Variants in ONECUT2 observed in about 807,000 individuals in gnomAD.
ONECUT2 encodes the protein one cut domain family member 2.
In ONECUT2, 10 loss-of-function variants were observed where a neutral mutation model predicts 27.9. The observed-to-expected ratio is 0.36, with a 90% confidence interval of 0.22 to 0.61. The LOEUF (loss-of-function observed/expected upper bound fraction) is 0.61. Ranked by LOEUF, ONECUT2 falls within the 20% of genes least tolerant of loss-of-function variation. The probability of loss-of-function intolerance (pLI) is 0.73; values close to 1 mark genes in which losing one functional copy is unlikely to be tolerated. For missense variants in ONECUT2, 686 were observed against 721.0 expected (o/e 0.95, Z 0.56); for synonymous variants, 334 against 315.1 (o/e 1.06, Z -0.64).
chr18:57,436,226 T>G lies in ONECUT2; in HGVS notation c.510T>G (p.Pro170=), dbSNP rs1350697399. 1.2e-6 allele frequency: 2 copies of G among 1,603,480 alleles called. No individual in the cohort carries two copies. Among genetic ancestry groups the G allele is most frequent in the Non-Finnish European group, 8.5e-7 (1 of 1,177,312 alleles). ...ISTVSDKFHH[P]HPHHHPHHHH... ...CCGTGTCTGACAAGTTCCACCACCC[T>G]CACCCGCACCACCATCCGCACCACC... is the stretch of plus-strand genomic sequence containing the variant. Residue 170 remains proline, a synonymous_variant, in exon 1 of 2, where the codon CCT becomes CCG. Coordinates refer to ENST00000491143, the MANE Select transcript of ONECUT2 (RefSeq NM_004852.3). The surrounding 1 kb of genome is among the most constrained non-coding windows in gnomAD (Gnocchi z 5.9).
Position 57,486,381 on chromosome 18 carries a change from A to T in ONECUT2, c.*9658A>T, listed in dbSNP as rs1233385446. ...AGAACAAGATTTGTACTAATACCAA[A>T]GGTTCTTTCTCTATGTCTCCTCCTC... On this transcript the variant is annotated 3_prime_UTR_variant, in exon 2 of 2. Coordinates refer to ENST00000491143, the MANE Select transcript of ONECUT2 (RefSeq NM_004852.3). 2.6e-5 allele frequency: 4 copies of T among 152,562 alleles called. No homozygotes were observed. The highest frequency in any genetic ancestry group is 9.7e-5 in the African/African-American group (4 of 41,420). The allele number at this position is 152,562 out of a possible 1,614,324, so 9.5% of individuals were successfully genotyped here. A position where few individuals can be genotyped will look rare whatever the true frequency, so the allele number is the denominator to read the frequency against.
chr18:57,436,468 C>T lies in ONECUT2; in HGVS notation c.752C>T (p.Pro251Leu), dbSNP rs1008250842. 2 of 1,613,162 alleles carry T rather than the reference C, an allele frequency of 1.2e-6. No homozygotes were observed. The highest frequency in any genetic ancestry group is 1.7e-5 in the Admixed American group (1 of 60,004). ...CAGCAGAGTCTGCCCAACTACGGTC[C>T]GCCGGGCCACGACAAAATGCTCAGC... ...NAQQSLPNYGPPGHDKMLSPN... is the reference protein window; with the variant it reads ...NAQQSLPNYGLPGHDKMLSPN... The change falls in exon 1 of 2, where the codon CCG becomes CTG. Residue 251 changes from proline (P) to leucine (L), a missense_variant. Around this residue, in one of 4 missense-constraint regions of ONECUT2, gnomAD observed 511 missense variants for 488.1 expected, o/e 1.05. Coordinates refer to ENST00000491143, the MANE Select transcript of ONECUT2 (RefSeq NM_004852.3). This position sits in a 1 kb window ranked among gnomAD's most constrained non-coding sequence, Gnocchi z 5.9.
At chr18:57,451,106 C>T (rs2050227693) in intron 1 of ONECUT2, among the ~76,000 whole-genome samples, 1 of 152,204 alleles carries the variant, frequency 6.6e-6, no homozygotes, top group South Asian at 2.1e-4. Context: ...CATTTATTTG[C>T]TATACATCTT....
chr18:57,462,335 A>G (rs2050296584), intron 1 of ONECUT2, among the ~76,000 whole-genome samples: 1 of 152,210 alleles, frequency 6.6e-6, no homozygotes, highest in Non-Finnish European at 1.5e-5. Flanking sequence ...TGTGTTTAAG[A>G]TATCTGTGGC....
chr18:57,447,466 G>C (rs1239677890), intron 1 of ONECUT2, among the ~76,000 whole-genome samples: 2 of 152,252 alleles, frequency 1.3e-5, no homozygotes, highest in Non-Finnish European at 2.9e-5. Flanking sequence ...TGTGAGATCA[G>C]CGATAATAAA....
chr18:57,438,679 T>C (rs4940717), intron 1 of ONECUT2, among the ~76,000 whole-genome samples: 48,731 of 152,074 alleles, frequency 0.32, 9,583 homozygotes, highest in South Asian at 0.55. Context: ...TAAAGAAAAC[T>C]AGGTTTCCCT....
At chr18:57,442,363 A>T (rs1198023977) in intron 1 of ONECUT2, among the ~76,000 whole-genome samples, 4 of 151,680 alleles carry the variant, frequency 2.6e-5, no homozygotes, top group African/African-American at 9.7e-5. Context: ...CAAGAACAGT[A>T]ATTAATAAGA....
chr18:57,490,611 C>G lies in ONECUT2; in HGVS notation c.*13888C>G, dbSNP rs539079840. The G allele has an allele frequency of 6.6e-6, 1 of 152,260 alleles. No individual in the cohort carries two copies. The highest frequency in any genetic ancestry group is 1.9e-4 in the East Asian group (1 of 5,178). 9.4% of individuals were successfully genotyped at this position (152,260 alleles called of 1,614,324 possible). A position where few individuals can be genotyped will look rare whatever the true frequency, so the allele number is the denominator to read the frequency against. ...CATATGCTCAAAGACCGTACTCTGC[C>G]ACCTGCCTTCCAGGTAGCTATTCTA... On this transcript the variant is annotated 3_prime_UTR_variant, in exon 2 of 2. Coordinates refer to ENST00000491143, the MANE Select transcript of ONECUT2 (RefSeq NM_004852.3).
intron 1 of ONECUT2, among the ~76,000 whole-genome samples, chr18:57,453,683 G>A (rs1437801599): frequency 2.0e-5 from 3 of 152,274 alleles, no homozygotes; most frequent in Non-Finnish European, 4.4e-5. Flanking sequence ...ATTAGCCGGA[G>A]TCATAGGACT....
At chr18:57,441,119 C>A (rs2050171906) in intron 1 of ONECUT2, among the ~76,000 whole-genome samples, 1 of 152,190 alleles carries the variant, frequency 6.6e-6, no homozygotes, top group Admixed American at 6.5e-5. Context: ...GCCCTCGATG[C>A]GAGAGGCTGG....
chr18:57,491,084 A>G lies in ONECUT2; in HGVS notation c.*14361A>G, dbSNP rs2050463561. The G allele has an allele frequency of 6.6e-6, 1 of 152,640 alleles. No individual in the cohort carries two copies. The highest frequency in any genetic ancestry group is 2.4e-5 in the African/African-American group (1 of 41,448). The allele number at this position is 152,640 out of a possible 1,614,324, so 9.5% of individuals were successfully genotyped here. On this transcript the variant is annotated 3_prime_UTR_variant, in exon 2 of 2. Transcript: ENST00000491143. ...CTGGTGGGGATGAGGATCACGCTTC[A>G]TCATCAAGGGGATGCCCATCCCCTG...
rs1026286211 is a variant in ONECUT2, at chr18:57,486,409, C to A, written c.*9686C>A. On this transcript the variant is annotated 3_prime_UTR_variant, in exon 2 of 2. Coordinates refer to ENST00000491143, the MANE Select transcript of ONECUT2 (RefSeq NM_004852.3). Reference sequence around the variant, plus strand: ...TTCTTTCTCTATGTCTCCTCCTCTGCCTCCCTCGTTCTTCCCTTTTTTCTA... The same window carrying A: ...TTCTTTCTCTATGTCTCCTCCTCTGACTCCCTCGTTCTTCCCTTTTTTCTA... 6.6e-6 allele frequency: 1 copy of A among 152,610 alleles called. No homozygotes were observed. The highest frequency in any genetic ancestry group is 2.4e-5 in the African/African-American group (1 of 41,418). The allele number at this position is 152,610 out of a possible 1,614,324, so 9.5% of individuals were successfully genotyped here.
chr18:57,442,594 G>A (rs1172104875), intron 1 of ONECUT2, among the ~76,000 whole-genome samples: 2 of 152,154 alleles, frequency 1.3e-5, no homozygotes, highest in East Asian at 3.9e-4. Flanking sequence ...AAGGAGGAGA[G>A]CAGGTGGTTT....
rs1446398091 is a variant in ONECUT2 at position 57,481,811 on chromosome 18, A to C, written c.*5088A>C. 1 of 152,204 alleles carries C rather than the reference A, an allele frequency of 6.6e-6. No homozygotes were observed. Among genetic ancestry groups the C allele is most frequent in the Non-Finnish European group, 1.5e-5 (1 of 68,036 alleles). 9.4% of individuals were successfully genotyped at this position (152,204 alleles called of 1,614,324 possible). A position where few individuals can be genotyped will look rare whatever the true frequency, so the allele number is the denominator to read the frequency against. ...TAAAAAGTGGAGAAAAAGATAATACATGTGGTCAAGGTTGACCACAAGGCC... is the reference window on the plus strand; with the variant it reads ...TAAAAAGTGGAGAAAAAGATAATACCTGTGGTCAAGGTTGACCACAAGGCC... On this transcript the variant is annotated 3_prime_UTR_variant, in exon 2 of 2. Coordinates refer to ENST00000491143, the MANE Select transcript of ONECUT2 (RefSeq NM_004852.3).
intron 1 of ONECUT2, among the ~76,000 whole-genome samples, chr18:57,455,295 T>A (rs1220990801): frequency 6.6e-6 from 1 of 152,184 alleles, no homozygotes; most frequent in East Asian, 1.9e-4. Flanking sequence ...CCTGTAGACA[T>A]CCAGATGTTG....
chr18:57,461,978 T>C (rs988759202), intron 1 of ONECUT2, among the ~76,000 whole-genome samples: 2 of 152,230 alleles, frequency 1.3e-5, no homozygotes, highest in African/African-American at 4.8e-5. Context: ...GGCACATATA[T>C]ATTCAACCAT....
At chr18:57,455,036 G>T (rs538187423) in intron 1 of ONECUT2, among the ~76,000 whole-genome samples, 4 of 152,142 alleles carry the variant, frequency 2.6e-5, no homozygotes, top group African/African-American at 9.7e-5. Flanking sequence ...CAGGTTTGGG[G>T]GGCCTTATCA....
chr18:57,476,062 A>G (rs1253488781), intron 1 of ONECUT2, among the ~76,000 whole-genome samples: 1 of 152,064 alleles, frequency 6.6e-6, no homozygotes, highest in East Asian at 1.9e-4. Context: ...TGAAAGAGGA[A>G]CTGCCTCACC....
intron 1 of ONECUT2, among the ~76,000 whole-genome samples, chr18:57,466,869 A>G (rs1271311651): frequency 6.7e-6 from 1 of 149,670 alleles, no homozygotes; most frequent in Non-Finnish European, 1.5e-5. Flanking sequence ...CTTTGAGGCT[A>G]CTCATGTTTG....
Sources: gnomAD v4.1 joint callset for allele counts (sites outside exome capture counted in the v4.1 genomes callset) on GRCh38, gnomAD v4.1.1 for gene constraint, gnomAD v4.1.1 regional missense constraint, Gnocchi (gnomAD v3.1) non-coding constraint, MANE v1.5 for transcripts, NCBI Gene and HGNC (gene_info 2026-07-23, HGNC 2026-07-21) for gene names.